Variants in PC observed in about 807,000 individuals in gnomAD.
PC encodes pyruvate carboxylase, mitochondrial.
In PC, 46 loss-of-function variants were observed where a neutral mutation model predicts 107.8. The ratio of observed to expected loss-of-function variants is 0.43; its 90% CI spans 0.34 to 0.55. The LOEUF (loss-of-function observed/expected upper bound fraction) is 0.55. Ranked by LOEUF, PC falls within the 20% of genes least tolerant of loss-of-function variation. The pLI, the probability that PC is intolerant of heterozygous loss-of-function variation, is 0.04. For missense variants in PC, 1,241 were observed against 1,643.1 expected, an observed-to-expected ratio of 0.76 and a Z score of 4.23; for synonymous variants, 662 against 684.7, an observed-to-expected ratio of 0.97 and a Z score of 0.52.
rs1565294285 is a variant in PC at position 66,930,987 on chromosome 11, G to C, written c.-1+21443C>G. 2.6e-5 allele frequency among the ~76,000 whole-genome samples: 4 copies of C among 152,242 alleles called. No homozygotes were observed. In the East Asian group the frequency reaches 7.7e-4, roughly 29 times the overall value. On this transcript the variant is annotated intron_variant, in intron 3 of 22. Transcript: ENST00000393960. ...ATCTACTGTAGGATTCCATGTCCAG[G>C]TGTTCAAAACCAGGCAAAATTCAAC...
intron 3 of PC, among the ~76,000 whole-genome samples, chr11:66,880,046 G>A (rs1274593002): frequency 6.6e-6 from 1 of 152,172 alleles, no homozygotes; most frequent in Non-Finnish European, 1.5e-5. Context: ...ACAATGCCAG[G>A]CACGGATGGG....
chr11:66,947,746 T>C (rs2136147146), intron 3 of PC, among the ~76,000 whole-genome samples: 1 of 151,062 alleles, frequency 6.6e-6, no homozygotes, highest in East Asian at 2.0e-4. Flanking sequence ...GGTGGATCAT[T>C]TGAGGTCAGG....
Position 66,852,771 on chromosome 11 carries a change from G to C in PC, c.1579C>G (p.Pro527Ala), listed in dbSNP as rs769444427. Reference protein sequence around the residue: ...PVKASPSPTDPVVPAVPIGPP... With the variant: ...PVKASPSPTDAVVPAVPIGPP... ...CCTATGGGCACTGCAGGGACAACGG[G>C]GTCCGTGGGGCTGGGGCTGGCCTTG... The change falls in exon 14 of 23, where the codon CCC becomes GCC. Residue 527 changes from proline (P) to alanine (A), a missense_variant. This residue lies in a region of PC where 1,143 missense variants were observed against 1,551.9 expected (regional missense o/e 0.74). Transcript: ENST00000393960. The surrounding 1 kb of genome is among the most constrained non-coding windows in gnomAD (Gnocchi z 4.7). The C allele has an allele frequency of 5.0e-6, 8 of 1,604,316 alleles. No homozygotes were observed. The highest frequency in any genetic ancestry group is 6.8e-6 in the Non-Finnish European group (8 of 1,172,918).
intron 3 of PC, among the ~76,000 whole-genome samples, chr11:66,915,701 A>T (rs537546193): frequency 3.3e-5 from 5 of 152,306 alleles, no homozygotes; most frequent in African/African-American, 1.2e-4. Flanking sequence ...CAGGCCTCAG[A>T]GGTGGCATGC....
chr11:66,860,121 C>T, intron 12 of PC: 1 of 1,550,870 alleles, frequency 6.4e-7, no homozygotes, highest in Non-Finnish European at 8.7e-7. Context: ...CCACTCTGTG[C>T]ATGGGGGGCT....
At chr11:66,853,169 A>G in intron 13 of PC, 70 bp downstream of exon 13, 1 of 1,560,698 alleles carries the variant, frequency 6.4e-7, no homozygotes, top group African/African-American at 1.4e-5. Context: ...GGGAGTGGCA[A>G]GGAGGTAGGA....
rs1419024400 is a variant in PC, at chr11:66,858,179, G to A, written c.1369-4796C>T. Reference sequence around the variant, plus strand: ...CGGGAGCCTTCGACGACTTCCTAGAGAGCCTGGAGGACCTGGACCTGTCCT... The same window carrying A: ...CGGGAGCCTTCGACGACTTCCTAGAAAGCCTGGAGGACCTGGACCTGTCCT... On this transcript the variant is annotated intron_variant, in intron 12 of 22. Coordinates refer to ENST00000393960, the MANE Select transcript of PC (RefSeq NM_001040716.2). This position sits in a 1 kb window ranked among gnomAD's most constrained non-coding sequence, Gnocchi z 5.9. The A allele has an allele frequency of 9.3e-6, 15 of 1,611,460 alleles. No homozygotes were observed. The highest frequency in any genetic ancestry group is 1.3e-5 in the Non-Finnish European group (15 of 1,179,258).
intron 3 of PC, among the ~76,000 whole-genome samples, chr11:66,947,560 C>CA (rs113612836): frequency 1.0e-3 from 125 of 125,018 alleles, no homozygotes; most frequent in East Asian, 6.1e-3. Flanking sequence ...GACTCAGTCT[C>CA]AAAAAAAAAA....
chr11:66,913,762 C>T (rs934108626), intron 3 of PC, among the ~76,000 whole-genome samples: 4 of 152,010 alleles, frequency 2.6e-5, no homozygotes, highest in South Asian at 2.1e-4. Flanking sequence ...CCCTGTGCAA[C>T]GTAGAGGGAT....
At chr11:66,853,528 G>T in intron 12 of PC, 145 bp from the exon 13 acceptor site, 2 of 941,538 alleles carry the variant, frequency 2.1e-6, no homozygotes, top group Non-Finnish European at 3.4e-6. Flanking sequence ...GCACTTCCCC[G>T]TCCCTCAGCC....
intron 3 of PC, among the ~76,000 whole-genome samples, chr11:66,876,032 TGA>T (rs1051332551): frequency 2.6e-5 from 4 of 152,088 alleles, no homozygotes; most frequent in African/African-American, 7.2e-5. Flanking sequence ...TCAAAGGTCG[TGA>T]GAGACAAAGA....
At chr11:66,907,209 G>A (rs1401147765) in intron 3 of PC, among the ~76,000 whole-genome samples, 1 of 152,208 alleles carries the variant, frequency 6.6e-6, no homozygotes, top group East Asian at 1.9e-4. Context: ...CCATGGCCAA[G>A]GTCTTCTGTC....
chr11:66,863,408 G>A (rs1946358445), intron 12 of PC, among the ~76,000 whole-genome samples: 1 of 152,140 alleles, frequency 6.6e-6, no homozygotes, highest in Non-Finnish European at 1.5e-5. Flanking sequence ...CAAACCTGTG[G>A]GATCAGGATT....
intron 3 of PC, among the ~76,000 whole-genome samples, chr11:66,949,964 C>T (rs1422666106): frequency 6.6e-6 from 1 of 152,180 alleles, no homozygotes; most frequent in Non-Finnish European, 1.5e-5. Context: ...CACCAAGTCG[C>T]TTAGTCTCTA....
At chr11:66,947,637 G>A (rs2136146915) in intron 3 of PC, among the ~76,000 whole-genome samples, 1 of 152,170 alleles carries the variant, frequency 6.6e-6, no homozygotes, top group African/African-American at 2.4e-5. Flanking sequence ...AAGGTGGAAA[G>A]TGGGAAGGAC....
At chr11:66,948,390 T>C (rs987919647) in intron 3 of PC, among the ~76,000 whole-genome samples, 2 of 152,098 alleles carry the variant, frequency 1.3e-5, no homozygotes, top group Admixed American at 6.6e-5. Context: ...CATGGTTTCC[T>C]GAAGAGTGAG....
At position 66,852,786 on chromosome 11, in the gene PC, G is replaced by A. The variant is rs773853333; in HGVS notation, c.1564C>T (p.Pro522Ser). ...PTTPIPVKAS[P>S]SPTDPVVPAV... Reference sequence around the variant, plus strand: ...GGGACAACGGGGTCCGTGGGGCTGGGGCTGGCCTTGACGGGAATCGGGGTG... The same window carrying A: ...GGGACAACGGGGTCCGTGGGGCTGGAGCTGGCCTTGACGGGAATCGGGGTG... Residue 522 changes from proline to serine, a missense_variant, in exon 14 of 23, where the codon CCC becomes TCC. This residue lies in a region of PC where 1,143 missense variants were observed against 1,551.9 expected (regional missense o/e 0.74). Coordinates refer to ENST00000393960, the MANE Select transcript of PC (RefSeq NM_001040716.2). The surrounding 1 kb of genome is among the most constrained non-coding windows in gnomAD (Gnocchi z 4.7). 1.0e-5 allele frequency: 16 copies of A among 1,599,460 alleles called. No individual in the cohort carries two copies. Among genetic ancestry groups the A allele is most frequent in the Middle Eastern group, 1.7e-4 (1 of 6,008 alleles).
At chr11:66,874,197 C>T (rs1392375617) in intron 3 of PC, among the ~76,000 whole-genome samples, 3 of 152,152 alleles carry the variant, frequency 2.0e-5, no homozygotes, top group East Asian at 1.9e-4. Flanking sequence ...TGACCTCAGG[C>T]GATCCACCTG....
At chr11:66,943,843 G>T (rs1057032203) in intron 3 of PC, among the ~76,000 whole-genome samples, 3 of 150,312 alleles carry the variant, frequency 2.0e-5, no homozygotes, top group Non-Finnish European at 3.0e-5. Context: ...AATTAGCCGG[G>T]CGTCGTGGCA....
Sources: gnomAD v4.1 joint callset for allele counts (sites outside exome capture counted in the v4.1 genomes callset) on GRCh38, gnomAD v4.1.1 for gene constraint, gnomAD v4.1.1 regional missense constraint, Gnocchi (gnomAD v3.1) non-coding constraint, MANE v1.5 for transcripts, NCBI Gene and HGNC (gene_info 2026-07-23, HGNC 2026-07-21) for gene names.